The following SIDT1 variants were observed in gnomAD, a reference collection of about 807,000 sequenced individuals.
SIDT1 encodes SID1 transmembrane family member 1, also known as SID1 transmembrane family, member 1.
SIDT1 carries 101 observed loss-of-function variants against 107.5 expected under a neutral mutation model. The observed-to-expected ratio is 0.94, with a 90% CI of 0.80 to 1.11. The LOEUF (loss-of-function observed/expected upper bound fraction) is 1.11. Among genes scored for constraint, SIDT1 ranks in the 50% least tolerant of loss-of-function variants. The pLI is 0.00. For missense variants in SIDT1, 1,076 were observed against 1,058.2 expected (o/e 1.02, Z -0.23); for synonymous variants, 395 against 398.2 (o/e 0.99, Z 0.10).
intron 17 of SIDT1, 83 bp from the exon 18 acceptor site, chr3:113,610,925 G>A: frequency 2.0e-6 from 3 of 1,515,948 alleles, no homozygotes; most frequent in Non-Finnish European, 2.7e-6. Context: ...GGGGTACTCA[G>A]AGTCTGAAGA....
chr3:113,577,238 C>A (rs1164812698), intron 4 of SIDT1, among the ~76,000 whole-genome samples: 1 of 152,108 alleles, frequency 6.6e-6, no homozygotes, highest in Non-Finnish European at 1.5e-5. Context: ...AAATCGTGTG[C>A]CCACTATGCA....
intron 16 of SIDT1, 71 bp from the exon 17 acceptor site, chr3:113,608,348 G>T (rs1945490232): frequency 1.3e-6 from 2 of 1,533,872 alleles, no homozygotes; most frequent in East Asian, 2.3e-5. Flanking sequence ...AGAAGCATGT[G>T]CTTCCAGATT....
At chr3:113,554,122 T>C (rs1434342986) in intron 1 of SIDT1, among the ~76,000 whole-genome samples, 2 of 151,878 alleles carry the variant, frequency 1.3e-5, no homozygotes, top group African/African-American at 4.8e-5. Flanking sequence ...GCTCTTGGAG[T>C]GAGAGGCAAA....
At chr3:113,565,516 A>G (rs1941818196) in intron 1 of SIDT1, among the ~76,000 whole-genome samples, 1 of 152,024 alleles carries the variant, frequency 6.6e-6, no homozygotes, top group Non-Finnish European at 1.5e-5. Flanking sequence ...GCAGAGGGAG[A>G]CTCTGTCTCA....
intron 9 of SIDT1, among the ~76,000 whole-genome samples, chr3:113,591,077 G>A (rs543300786): frequency 1.2e-4 from 18 of 152,292 alleles, no homozygotes; most frequent in African/African-American, 4.1e-4. Flanking sequence ...AAGGAAATGC[G>A]ACAAAGAAAG....
Position 113,533,235 on chromosome 3 carries a change from C to G in SIDT1, c.214C>G (p.Pro72Ala). Residue 72 changes from proline (P) to alanine (A), a missense_variant, in exon 1 of 25, where the codon CCC becomes GCC. By Grantham distance (27) the Pro-to-Ala change is conservative. Coordinates refer to ENST00000264852, the MANE Select transcript of SIDT1 (RefSeq NM_017699.3). ...CTACTCTTTCAACTACACCAGCCAG[C>G]CCGACCAGGTAAGACACTCGCTCCC... ...NIYSFNYTSQ[P>A]DQVTAVRVYV... 1 of 1,482,882 alleles carries G rather than the reference C, an allele frequency of 6.7e-7. No homozygotes were observed. Among genetic ancestry groups the G allele is most frequent in the Non-Finnish European group, 9.0e-7 (1 of 1,111,414 alleles). 91.9% of individuals were successfully genotyped at this position (1,482,882 alleles called of 1,614,324 possible). A position where few individuals can be genotyped will look rare whatever the true frequency, so the allele number is the denominator to read the frequency against.
At chr3:113,591,996 G>A (rs9843558) in intron 9 of SIDT1, among the ~76,000 whole-genome samples, 27,926 of 152,172 alleles carry the variant, frequency 0.18, 2,843 homozygotes, top group Middle Eastern at 0.3. Flanking sequence ...CTACAGCATG[G>A]ATGAACCTTG....
intron 24 of SIDT1, among the ~76,000 whole-genome samples, chr3:113,626,472 G>A (rs1217927928): frequency 1.3e-5 from 2 of 152,046 alleles, no homozygotes; most frequent in African/African-American, 2.4e-5. Context: ...TGCACAGCAC[G>A]TTTGTTCTGA....
intron 1 of SIDT1, among the ~76,000 whole-genome samples, chr3:113,553,373 T>C (rs1423990860): frequency 6.6e-6 from 1 of 152,138 alleles, no homozygotes; most frequent in Non-Finnish European, 1.5e-5. Context: ...CTGGTAAGTG[T>C]CAGATCACAA....
intron 4 of SIDT1, among the ~76,000 whole-genome samples, chr3:113,577,447 G>C (rs1173391641): frequency 1.3e-5 from 2 of 152,160 alleles, no homozygotes; most frequent in Non-Finnish European, 2.9e-5. Context: ...TGTTTACAAT[G>C]TTATAAGTGT....
At chr3:113,573,967 G>A (rs575510685) in intron 3 of SIDT1, among the ~76,000 whole-genome samples, 3 of 152,272 alleles carry the variant, frequency 2.0e-5, no homozygotes, top group African/African-American at 7.2e-5. Flanking sequence ...GTGGGTGGAG[G>A]AAAGAATGAA....
intron 1 of SIDT1, among the ~76,000 whole-genome samples, chr3:113,534,630 G>T (rs1937892911): frequency 6.6e-6 from 1 of 152,214 alleles, no homozygotes; most frequent in Non-Finnish European, 1.5e-5. Flanking sequence ...TTGACATGTT[G>T]CACGTGAGGT....
At chr3:113,597,906 A>G (rs561234068) in intron 10 of SIDT1, among the ~76,000 whole-genome samples, 5 of 152,366 alleles carry the variant, frequency 3.3e-5, no homozygotes, top group East Asian at 1.9e-4. Context: ...ACAGTTAAAT[A>G]TAGATATGGC....
At chr3:113,585,566 A>G (rs889535168) in intron 9 of SIDT1, among the ~76,000 whole-genome samples, 1 of 152,242 alleles carries the variant, frequency 6.6e-6, no homozygotes, top group Non-Finnish European at 1.5e-5. Flanking sequence ...TTAAAACTCA[A>G]CAAAAAGGCA....
At chr3:113,562,110 G>A (rs1197341420) in intron 1 of SIDT1, among the ~76,000 whole-genome samples, 5 of 152,180 alleles carry the variant, frequency 3.3e-5, no homozygotes, top group Non-Finnish European at 7.3e-5. Flanking sequence ...AGAAGAGCCA[G>A]GCAGGTAAAC....
rs371942858 is a variant in SIDT1, at chr3:113,566,472, C to A, written c.275C>A (p.Pro92Gln). The A allele has an allele frequency of 6.2e-7, 1 of 1,614,096 alleles. No individual in the cohort carries two copies. ...AGTTCCTCTGAGAATCTCAACTACC[C>A]GGTCCTTGTTGTGGTTCGCCAGCAG... is the stretch of plus-strand genomic sequence containing the variant. ...VNSSSENLNY[P>Q]VLVVVRQQKE... is the part of the protein sequence containing the mutation. Residue 92 changes from proline (P) to glutamine (Q), a missense_variant, in exon 2 of 25, where the codon CCG becomes CAG. Coordinates refer to ENST00000264852, the MANE Select transcript of SIDT1 (RefSeq NM_017699.3).
Position 113,623,496 on chromosome 3 carries a change from C to G in SIDT1, c.2160C>G (p.Asn720Lys). ...ACATGCTGGGCATCTTCATCTGTAA[C>G]CTTTTGCTGTACCTGGCCTTTTACA... is the stretch of plus-strand genomic sequence containing the variant. ...ASYMLGIFIC[N>K]LLLYLAFYII... is the part of the protein sequence containing the mutation. Residue 720 changes from asparagine to lysine, a missense_variant, in exon 22 of 25, where the codon AAC becomes AAG. Transcript: ENST00000264852. 1 of 1,614,120 alleles carries G rather than the reference C, an allele frequency of 6.2e-7. No individual in the cohort carries two copies. Among genetic ancestry groups the G allele is most frequent in the Non-Finnish European group, 8.5e-7 (1 of 1,179,980 alleles).
In SIDT1 at chr3:113,533,148, G is replaced by T. The variant is rs150463419; in HGVS notation, c.127G>T (p.Ala43Ser). ...ACCGCGCCGCGACCCCTTCGACGCTGCCAGGGGCGCCGATTTCGATCATGT... is the reference window on the plus strand; with the variant it reads ...ACCGCGCCGCGACCCCTTCGACGCTTCCAGGGGCGCCGATTTCGATCATGT... ...PAPRRDPFDA[A>S]RGADFDHVYS... is the part of the protein sequence containing the mutation. The change falls in exon 1 of 25, where the codon GCC becomes TCC. Residue 43 changes from alanine (A) to serine (S), a missense_variant. Physicochemically the swap from Ala to Ser is moderately conservative, Grantham distance 99 (BLOSUM62 1). Coordinates refer to ENST00000264852, the MANE Select transcript of SIDT1 (RefSeq NM_017699.3). 4.4e-6 allele frequency: 7 copies of T among 1,577,576 alleles called. No homozygotes were observed. Among genetic ancestry groups the T allele is most frequent in the East Asian group, 4.9e-5 (2 of 40,824 alleles).
intron 19 of SIDT1, chr3:113,615,108 A>G: frequency 6.5e-7 from 1 of 1,535,106 alleles, no homozygotes; most frequent in East Asian, 2.4e-5. Flanking sequence ...CCAGGGGTCT[A>G]GATTGTTTTT....
Sources: gnomAD v4.1 joint callset for allele counts (sites outside exome capture counted in the v4.1 genomes callset) on GRCh38, gnomAD v4.1.1 for gene constraint, MANE v1.5 for transcripts, NCBI Gene and HGNC (gene_info 2026-07-23, HGNC 2026-07-21) for gene names.